The following PRKCA variants were observed in gnomAD, a reference collection of about 807,000 sequenced individuals.
PRKCA encodes protein kinase C alpha type.
PRKCA carries 27 observed loss-of-function variants against 87.0 expected under a neutral mutation model. The observed-to-expected ratio is 0.31, with a 90% CI of 0.23 to 0.43. The LOEUF (loss-of-function observed/expected upper bound fraction) is 0.43, where lower values mean the gene tolerates loss of function less well. Ranked by LOEUF, PRKCA falls within the 20% of genes least tolerant of loss-of-function variation. The pLI is 1.00. For missense variants in PRKCA, 518 were observed against 852.3 expected (o/e 0.61, Z 4.88); for synonymous variants, 329 against 311.1 (o/e 1.06, Z -0.61).
rs1371398205 is a variant in PRKCA, at chr17:66,587,887, G to GTATATA, written c.289-53467_289-53466insATATAT. On this transcript the variant is annotated intron_variant, in intron 3 of 16. Transcript: ENST00000413366. ...CATATGTATGTGTGTGTGTGTGTGTGTGTGTGTGTATATATATATATATAT... is the reference window on the plus strand; with the variant it reads ...CATATGTATGTGTGTGTGTGTGTGTGTATATATGTGTGTGTATATATATATATATAT... 4.2e-4 allele frequency among the ~76,000 whole-genome samples: 42 copies of GTATATA among 99,010 alleles called. 4 individuals are homozygous for GTATATA. The highest frequency in any genetic ancestry group is 6.9e-4 in the Non-Finnish European group (36 of 51,822). 65.0% of individuals were successfully genotyped at this position (99,010 alleles called of 152,430 possible).
intron 13 of PRKCA, among the ~76,000 whole-genome samples, chr17:66,768,095 C>A (rs1974849454): frequency 6.6e-6 from 1 of 152,108 alleles, no homozygotes; most frequent in Non-Finnish European, 1.5e-5. Context: ...AGGTGTGTGC[C>A]ACCGGACCCA....
intron 2 of PRKCA, among the ~76,000 whole-genome samples, chr17:66,414,706 T>C (rs192136530): frequency 1.3e-5 from 2 of 152,196 alleles, no homozygotes; most frequent in Admixed American, 1.3e-4. Context: ...TGTTTGTGTG[T>C]GACAATGTGA....
At chr17:66,738,688 A>T in intron 10 of PRKCA, 76 bp from the exon 11 acceptor site, 1 of 1,195,934 alleles carries the variant, frequency 8.4e-7, no homozygotes, top group Non-Finnish European at 1.2e-6. Flanking sequence ...AGAAAGCAAA[A>T]CACAACCTGT....
At chr17:66,678,901 A>T (rs138496750) in intron 5 of PRKCA, among the ~76,000 whole-genome samples, 2 of 152,110 alleles carry the variant, frequency 1.3e-5, no homozygotes, top group African/African-American at 2.4e-5. Flanking sequence ...TTTTCCCTCT[A>T]TGCTTTCCAT....
chr17:66,440,476 C>A (rs1413869424), intron 2 of PRKCA, among the ~76,000 whole-genome samples: 2 of 152,186 alleles, frequency 1.3e-5, no homozygotes, highest in African/African-American at 4.8e-5. Context: ...ACTTTGCTGA[C>A]AAGAAGAGGC....
chr17:66,734,434 ACTT>A (rs1157086666), intron 9 of PRKCA, among the ~76,000 whole-genome samples: 1 of 152,146 alleles, frequency 6.6e-6, no homozygotes, highest in African/African-American at 2.4e-5. Flanking sequence ...ATATAAGGTA[ACTT>A]CTGGGCATTG....
At chr17:66,681,627 CCT>C (rs1972497107) in intron 5 of PRKCA, among the ~76,000 whole-genome samples, 2 of 152,118 alleles carry the variant, frequency 1.3e-5, no homozygotes, top group Non-Finnish European at 2.9e-5. Flanking sequence ...TGTTATTTTC[CCT>C]GTTTTACAGA....
rs540230354 is a variant in PRKCA at position 66,530,652 on chromosome 17, G to A, written c.288+34369G>A. On this transcript the variant is annotated intron_variant, in intron 3 of 16. Transcript: ENST00000413366. The stretch of plus-strand genomic sequence containing the variant: ...TCCGTATTTTCTTATTGCTGTTAGG[G>A]GGATCAACTGCATGTTTCCTGAGGG... 5.2e-4 allele frequency among the ~76,000 whole-genome samples: 79 copies of A among 152,146 alleles called. 1 individual carries two copies. Among genetic ancestry groups the A allele is most frequent in the Non-Finnish European group, 2.9e-4 (20 of 68,012 alleles).
At chr17:66,391,252 A>G (rs1297948803) in intron 2 of PRKCA, among the ~76,000 whole-genome samples, 1 of 152,224 alleles carries the variant, frequency 6.6e-6, no homozygotes, top group African/African-American at 2.4e-5. Context: ...GGGTGCTTCA[A>G]GACATCATTC....
At chr17:66,481,456 G>C (rs1221601075) in intron 2 of PRKCA, among the ~76,000 whole-genome samples, 1 of 152,038 alleles carries the variant, frequency 6.6e-6, no homozygotes, top group Non-Finnish European at 1.5e-5. Flanking sequence ...GCTCCTTCCT[G>C]ATTTCATGTA....
chr17:66,380,991 G>A (rs961238162), intron 2 of PRKCA, among the ~76,000 whole-genome samples: 5 of 149,846 alleles, frequency 3.3e-5, no homozygotes, highest in African/African-American at 1.2e-4. Context: ...TCACGCTAGA[G>A]TACAGTGGCA....
At chr17:66,358,002 G>T (rs1300838825) in intron 2 of PRKCA, among the ~76,000 whole-genome samples, 1 of 152,146 alleles carries the variant, frequency 6.6e-6, no homozygotes, top group Non-Finnish European at 1.5e-5. Context: ...ATATTAATTA[G>T]AATTATATGA....
rs1567903273 is a variant in PRKCA, at chr17:66,566,487, T to TTG, written c.288+70205_288+70206insGT. 2.1e-3 allele frequency among the ~76,000 whole-genome samples: 316 copies of TTG among 148,044 alleles called. 1 individual carries two copies. The highest frequency in any genetic ancestry group is 7.7e-3 in the African/African-American group (309 of 40,062). ...AACTGTTGTTGTTTTTTGGTTTTTT[T>TTG]TTTTTTTTTTTTTTTGCAACAGCTT... On this transcript the variant is annotated intron_variant, in intron 3 of 16. Coordinates refer to ENST00000413366, the MANE Select transcript of PRKCA (RefSeq NM_002737.3).
chr17:66,452,979 G>A (rs568847051), intron 2 of PRKCA, among the ~76,000 whole-genome samples: 2 of 152,344 alleles, frequency 1.3e-5, no homozygotes, highest in African/African-American at 2.4e-5. Flanking sequence ...TTGTAGCATC[G>A]AGATGTGCTG....
chr17:66,553,141 C>G (rs1273646875), intron 3 of PRKCA, among the ~76,000 whole-genome samples: 1 of 152,054 alleles, frequency 6.6e-6, no homozygotes, highest in Non-Finnish European at 1.5e-5. Flanking sequence ...ACCAGCATGC[C>G]TGGCTAATTT....
intron 3 of PRKCA, among the ~76,000 whole-genome samples, chr17:66,607,125 T>C (rs1970231967): frequency 6.6e-6 from 1 of 152,236 alleles, no homozygotes; most frequent in South Asian, 2.1e-4. Flanking sequence ...TATTAAGTTT[T>C]TGCAGATTAT....
intron 2 of PRKCA, among the ~76,000 whole-genome samples, chr17:66,344,734 G>C (rs12602350): frequency 0.14 from 21,498 of 152,156 alleles, 1,918 homozygotes; most frequent in East Asian, 0.34. Context: ...ATATTGACAA[G>C]TCCTGCTGGT....
chr17:66,579,440 G>A (rs1274119208), intron 3 of PRKCA, among the ~76,000 whole-genome samples: 1 of 152,198 alleles, frequency 6.6e-6, no homozygotes, highest in East Asian at 1.9e-4. Flanking sequence ...AGGGGTCAGA[G>A]GTCACGCTTA....
chr17:66,604,880 C>T (rs1970163401), intron 3 of PRKCA, among the ~76,000 whole-genome samples: 1 of 151,558 alleles, frequency 6.6e-6, no homozygotes, highest in Non-Finnish European at 1.5e-5. Flanking sequence ...GGTGCGTTGC[C>T]TGTGATAGGA....
Sources: gnomAD v4.1 joint callset for allele counts (sites outside exome capture counted in the v4.1 genomes callset) on GRCh38, gnomAD v4.1.1 for gene constraint, MANE v1.5 for transcripts, NCBI Gene and HGNC (gene_info 2026-07-23, HGNC 2026-07-21) for gene names.